Variants in SUPT16H observed in about 807,000 individuals in gnomAD.
The protein encoded by SUPT16H is FACT complex subunit SPT16.
In SUPT16H, 24 loss-of-function variants were observed where a neutral mutation model predicts 136.2. That is an observed-to-expected ratio of 0.18 (90% confidence interval 0.13 to 0.25). The LOEUF (loss-of-function observed/expected upper bound fraction) is 0.25, where lower values mean the gene tolerates loss of function less well. SUPT16H is among the 10% of genes least tolerant of loss of function. The probability of loss-of-function intolerance (pLI) is 1.00; values close to 1 mark genes in which losing one functional copy is unlikely to be tolerated. For missense variants in SUPT16H, 623 were observed against 1,270.2 expected, an observed-to-expected ratio of 0.49 and a Z score of 7.74; for synonymous variants, 415 against 428.2, an observed-to-expected ratio of 0.97 and a Z score of 0.38.
chr14:21,353,301 G>C (rs1032268446), intron 25 of SUPT16H, among the ~76,000 whole-genome samples, 187 bp downstream of exon 25: 5 of 152,214 alleles, frequency 3.3e-5, no homozygotes. Flanking sequence ...CCACTGGAGA[G>C]TATGGACACA....
chr14:21,374,419 T>C (rs1886855510), intron 1 of SUPT16H, among the ~76,000 whole-genome samples: 1 of 152,252 alleles, frequency 6.6e-6, no homozygotes, highest in Non-Finnish European at 1.5e-5. Context: ...TGTAATGATT[T>C]TTAGCAGAAT....
Position 21,363,332 on chromosome 14 carries a change from T to C in SUPT16H, c.1300-4A>G, listed in dbSNP as rs759676736. ...CCTCTTCTTCCTCATCTTCATTCTA[T>C]GGAAAAAGTCATAATCAAAAAATGA... On this transcript the variant is annotated splice_region_variant and splice_polypyrimidine_tract_variant and intron_variant, in intron 11 of 25. Coordinates refer to ENST00000216297, the MANE Select transcript of SUPT16H (RefSeq NM_007192.4). The C allele has an allele frequency of 6.2e-6, 10 of 1,604,170 alleles. No homozygotes were observed. The Admixed American group carries it at 1.7e-4, about 27-fold the overall frequency.
intron 3 of SUPT16H, 77 bp downstream of exon 3, chr14:21,371,795 CAA>C (rs1283487598): frequency 6.5e-7 from 1 of 1,542,292 alleles, no homozygotes; most frequent in African/African-American, 1.4e-5. Context: ...CGCATTCTTT[CAA>C]ACTCCTATAA....
intron 8 of SUPT16H, among the ~76,000 whole-genome samples, chr14:21,365,871 G>C (rs1199081182): frequency 6.6e-6 from 1 of 152,168 alleles, no homozygotes; most frequent in Non-Finnish European, 1.5e-5. Context: ...GGGAGATCAA[G>C]GTGGGAGGAC....
intron 7 of SUPT16H, among the ~76,000 whole-genome samples, chr14:21,367,793 G>T (rs1405448239): frequency 6.6e-6 from 1 of 152,158 alleles, no homozygotes; most frequent in Non-Finnish European, 1.5e-5. Context: ...ATGCTTGAAA[G>T]AAATGCAGAT....
At chr14:21,383,230 A>T (rs1358767930) in intron 1 of SUPT16H, 5 of 183,640 alleles carry the variant, frequency 2.7e-5, no homozygotes, top group Non-Finnish European at 5.6e-5. Flanking sequence ...CTACCAAGGA[A>T]CTAATAAGGT....
Position 21,357,352 on chromosome 14 carries a change from C to T in SUPT16H, c.2505G>A (p.Val835=). The change falls in exon 22 of 26, where the codon GTG becomes GTA. Residue 835 remains valine (V), a synonymous_variant. Coordinates refer to ENST00000216297, the MANE Select transcript of SUPT16H (RefSeq NM_007192.4). ...GGATCAGCTCTACCTCATCCAATGTCACCACAAAAGGTGGCTGTCAGGGAG... is the reference window on the plus strand; with the variant it reads ...GGATCAGCTCTACCTCATCCAATGTTACCACAAAAGGTGGCTGTCAGGGAG... ...VNATEWPPFV[V]TLDEVELIHF... 1 of 1,588,978 alleles carries T rather than the reference C, an allele frequency of 6.3e-7. No homozygotes were observed. The highest frequency in any genetic ancestry group is 8.6e-7 in the Non-Finnish European group (1 of 1,168,676).
At position 21,369,547 on chromosome 14, in the gene SUPT16H, G is replaced by A. The variant is rs867509654; in HGVS notation, c.631-192C>T. On this transcript the variant is annotated intron_variant, in intron 5 of 25. Transcript: ENST00000216297. The stretch of plus-strand genomic sequence containing the variant: ...ATGTAGGACTTACAGCTATTCCTAT[G>A]ATTCTCAAGTAAAATAATGGGTTAC... The A allele has an allele frequency of 5.0e-5, 48 of 959,566 alleles. No individual in the cohort carries two copies. In the Middle Eastern group the frequency reaches 1.1e-3, roughly 21 times the overall value. The allele number at this position is 959,566 out of a possible 1,614,324, so 59.4% of individuals were successfully genotyped here. A position where few individuals can be genotyped will look rare whatever the true frequency, so the allele number is the denominator to read the frequency against.
chr14:21,381,022 GAAGGTGC>G (rs1887011225), intron 1 of SUPT16H, among the ~76,000 whole-genome samples: 1 of 151,886 alleles, frequency 6.6e-6, no homozygotes, highest in Non-Finnish European at 1.5e-5. Context: ...ATAATACAGA[GAAGGTGC>G]TGCAAATCCT....
At chr14:21,353,427 T>G in intron 25 of SUPT16H, 61 bp downstream of exon 25, 2 of 1,533,316 alleles carry the variant, frequency 1.3e-6, no homozygotes, top group South Asian at 2.3e-5. Flanking sequence ...CTCAAAATAT[T>G]GAAATGTGTT....
At chr14:21,359,124 G>A (rs2139399186) in intron 19 of SUPT16H, among the ~76,000 whole-genome samples, 1 of 135,538 alleles carries the variant, frequency 7.4e-6, no homozygotes, top group Non-Finnish European at 1.6e-5. Flanking sequence ...TTGAGATGGA[G>A]TCTCACTCTG....
intron 19 of SUPT16H, 31 bp downstream of exon 19, chr14:21,359,453 T>A: frequency 6.2e-7 from 1 of 1,607,698 alleles, no homozygotes; most frequent in Non-Finnish European, 8.5e-7. Flanking sequence ...TCCCTCACTA[T>A]CCTGCAAATA....
chr14:21,360,558 C>A, intron 17 of SUPT16H, 25 bp from the exon 18 acceptor site: 2 of 1,591,216 alleles, frequency 1.3e-6, no homozygotes, highest in South Asian at 2.2e-5. Context: ...GAAGAAATGT[C>A]AAGCAGTATA....
Position 21,369,283 on chromosome 14 carries a change from C to A in SUPT16H, c.703G>T (p.Asp235Tyr), listed in dbSNP as rs1886737475. The change falls in exon 6 of 26, where the codon GAC (aspartate) becomes TAC (tyrosine). Residue 235 changes from aspartate to tyrosine, a missense_variant. By Grantham distance (160) the Asp-to-Tyr change is radical. This residue lies in a region of SUPT16H where 343 missense variants were observed against 525.7 expected (regional missense o/e 0.65). Coordinates refer to ENST00000216297, the MANE Select transcript of SUPT16H (RefSeq NM_007192.4). ...IEEKKYLAGADPSTVEMCYPP... is the reference protein window; with the variant it reads ...IEEKKYLAGAYPSTVEMCYPP... The stretch of plus-strand genomic sequence containing the variant: ...TAACACATTTCCACAGTAGAAGGGT[C>A]TGCCCCAGCAAGGTATTTTTTCTCT... The A allele has an allele frequency of 6.2e-7, 1 of 1,614,080 alleles. No homozygotes were observed. The highest frequency in any genetic ancestry group is 8.5e-7 in the Non-Finnish European group (1 of 1,180,032).
intron 1 of SUPT16H, among the ~76,000 whole-genome samples, chr14:21,378,351 CTG>C (rs1886949902): frequency 6.6e-6 from 1 of 151,980 alleles, no homozygotes; most frequent in Admixed American, 6.6e-5. Flanking sequence ...AAATAAAAAA[CTG>C]TAGAAAAAAA....
intron 1 of SUPT16H, among the ~76,000 whole-genome samples, chr14:21,377,618 G>T (rs1886931509): frequency 1.9e-5 from 1 of 53,922 alleles, no homozygotes; most frequent in East Asian, 7.0e-4. Context: ...AGCTAGTGGT[G>T]AGCTTTTTAT....
At position 21,383,695 on chromosome 14, in the gene SUPT16H, G is replaced by A. The variant is rs1009220766; in HGVS notation, c.66+167C>T. 6 of 759,334 alleles carry A rather than the reference G, an allele frequency of 7.9e-6. No homozygotes were observed. In the Admixed American group the frequency reaches 8.2e-5, roughly 10 times the overall value. 47.0% of individuals were successfully genotyped at this position (759,334 alleles called of 1,614,324 possible). On this transcript the variant is annotated intron_variant, in intron 1 of 25. Coordinates refer to ENST00000216297, the MANE Select transcript of SUPT16H (RefSeq NM_007192.4). ...TGAATGCGGGGGATTCCCTGTTAAG[G>A]GGCAGCGTTCGTGGCCGCCTCCGGT... is the stretch of plus-strand genomic sequence containing the variant.
intron 1 of SUPT16H, among the ~76,000 whole-genome samples, chr14:21,376,551 T>C (rs758995953): frequency 2.0e-5 from 3 of 152,172 alleles, no homozygotes; most frequent in African/African-American, 4.8e-5. Context: ...TTCTCATTGA[T>C]TTTCAGTAAG....
intron 1 of SUPT16H, among the ~76,000 whole-genome samples, chr14:21,381,234 A>G (rs2139421572): frequency 6.6e-6 from 1 of 152,342 alleles, no homozygotes; most frequent in African/African-American, 2.4e-5. Flanking sequence ...TATTCAGTTA[A>G]AAGTACATGG....
Sources: allele counts gnomAD v4.1 joint callset (sites outside exome capture counted in the v4.1 genomes callset), GRCh38; gene constraint gnomAD v4.1.1; regional missense constraint gnomAD v4.1.1; transcripts MANE v1.5; gene names NCBI Gene and HGNC (gene_info 2026-07-23, HGNC 2026-07-21).